ABCA12: variants seen among roughly 807,000 people sequenced by gnomAD.
The protein encoded by ABCA12 is ATP binding cassette subfamily A member 12.
In ABCA12, 156 loss-of-function variants were observed where a neutral mutation model predicts 293.5. The ratio of observed to expected loss-of-function variants is 0.53; its 90% confidence interval spans 0.47 to 0.61. The LOEUF is 0.61. ABCA12 is among the 20% of genes least tolerant of loss of function. The pLI is 0.00. For synonymous variants in ABCA12, 1,063 were observed against 1,108.0 expected, an observed-to-expected ratio of 0.96 and a Z score of 0.81; for missense variants, 2,797 against 3,090.2, an observed-to-expected ratio of 0.91 and a Z score of 2.25.
At chr2:215,110,273 G>A (rs1361861557) in intron 2 of ABCA12, among the ~76,000 whole-genome samples, 1 of 152,190 alleles carries the variant, frequency 6.6e-6, no homozygotes, top group Non-Finnish European at 1.5e-5. Context: ...CACTTTGGGA[G>A]GCCGAGGTGG....
chr2:215,090,350 C>G (rs979120852), intron 2 of ABCA12, among the ~76,000 whole-genome samples: 2 of 152,142 alleles, frequency 1.3e-5, no homozygotes, highest in Non-Finnish European at 2.9e-5. Flanking sequence ...TTTGGGAGAC[C>G]AGTCCCCTGT....
At chr2:215,058,392 T>C (rs767500161) in intron 3 of ABCA12, among the ~76,000 whole-genome samples, 1 of 151,982 alleles carries the variant, frequency 6.6e-6, no homozygotes, top group Admixed American at 6.6e-5. Flanking sequence ...CAATGACAGA[T>C]AATGGAATTA....
chr2:215,004,399 G>T lies in ABCA12; in HGVS notation c.2593-100C>A, dbSNP rs1025664571. 3.6e-6 allele frequency: 3 copies of T among 835,032 alleles called. No individual in the cohort carries two copies. The African/African-American group carries it at 5.1e-5, about 14-fold the overall frequency. 51.7% of individuals were successfully genotyped at this position (835,032 alleles called of 1,614,324 possible). ...ACAGTGAAGTGCAGTAACCACAACT[G>T]GGCATTATCAATGCACTGTCTTGCA... On this transcript the variant is annotated intron_variant, in intron 19 of 52. Transcript: ENST00000272895.
At position 214,966,898 on chromosome 2, in the gene ABCA12, T is replaced by C. The variant is rs771086366; in HGVS notation, c.5834A>G (p.Asn1945Ser). 2.5e-6 allele frequency: 4 copies of C among 1,613,878 alleles called. No individual in the cohort carries two copies. In the South Asian group the frequency reaches 3.3e-5, roughly 13 times the overall value. ...HSLPAYLNSL[N>S]NFLLRVNMSK... ...CATGTTAACTCGCAGAAGGAAATTA[T>C]TCAGGCTGTTGAGGTAAGCTGGAAG... The change falls in exon 39 of 53, where the codon AAT (asparagine) becomes AGT (serine). Residue 1945 changes from asparagine (N) to serine (S), a missense_variant. Transcript: ENST00000272895.
intron 9 of ABCA12, 91 bp from the exon 10 acceptor site, chr2:215,027,029 T>C (rs564146590): frequency 3.9e-5 from 36 of 931,708 alleles, no homozygotes; most frequent in African/African-American, 2.9e-4. Context: ...TTGTTTGGCA[T>C]TGGTTGACTT....
intron 39 of ABCA12, among the ~76,000 whole-genome samples, chr2:214,961,087 AT>A (rs982269009): frequency 6.6e-6 from 1 of 152,094 alleles, no homozygotes; most frequent in African/African-American, 2.4e-5. Context: ...AATTGGGTTG[AT>A]TTTTAAAACC....
chr2:214,991,628 A>AC (rs1169835919), intron 23 of ABCA12, among the ~76,000 whole-genome samples: 1 of 152,158 alleles, frequency 6.6e-6, no homozygotes, highest in Non-Finnish European at 1.5e-5. Flanking sequence ...CTTAACACTT[A>AC]CTGGCAGTCT....
chr2:214,953,742 G>T, intron 44 of ABCA12, 112 bp downstream of exon 44: 2 of 1,380,190 alleles, frequency 1.4e-6, no homozygotes, highest in African/African-American at 1.5e-5. Context: ...AAGTTTTTGA[G>T]CCAAACATTT....
chr2:214,942,830 A>T, intron 50 of ABCA12, 95 bp downstream of exon 50: 1 of 1,050,066 alleles, frequency 9.5e-7, no homozygotes, highest in Non-Finnish European at 1.4e-6. Flanking sequence ...TTCTAGTTTT[A>T]CTACTTAGGC....
intron 23 of ABCA12, among the ~76,000 whole-genome samples, chr2:214,994,880 T>G (rs543552123): frequency 6.6e-6 from 1 of 152,198 alleles, no homozygotes; most frequent in Admixed American, 6.5e-5. Context: ...CAAAATTCTG[T>G]CTCCAACAAA....
intron 11 of ABCA12, 187 bp downstream of exon 11, chr2:215,025,486 T>C: frequency 3.7e-6 from 2 of 540,526 alleles, no homozygotes; most frequent in South Asian, 4.3e-5. Context: ...ACCATTTTTC[T>C]AGAGTCGTAA....
At chr2:215,115,170 T>C (rs752163139) in intron 1 of ABCA12, among the ~76,000 whole-genome samples, 18 of 152,218 alleles carry the variant, frequency 1.2e-4, no homozygotes, top group Non-Finnish European at 2.1e-4. Context: ...AATCTATTAT[T>C]ACAAGGTTTC....
rs1194412499 is a variant in ABCA12 at position 214,970,377 on chromosome 2, G to A, written c.5586C>T (p.Ser1862=). Residue 1862 remains serine (S), a synonymous_variant, in exon 37 of 53, where the codon TCC becomes TCT. Transcript: ENST00000272895. ...NVQECPKFNY[S]PPHRRTYSSQ... is the part of the protein sequence containing the mutation. ...ATGAGTAAGTTCTTCTGTGCGGTGG[G>A]GAATAGTTAAATTTAGGACATTCCT... 5.6e-6 allele frequency: 9 copies of A among 1,612,892 alleles called. No homozygotes were observed. The highest frequency in any genetic ancestry group is 5.5e-5 in the South Asian group (5 of 91,044).
At chr2:215,075,822 T>C (rs918414875) in intron 2 of ABCA12, 6 of 457,136 alleles carry the variant, frequency 1.3e-5, no homozygotes, top group Non-Finnish European at 2.3e-5. Flanking sequence ...GAATTTTGTG[T>C]GCTATGGTGT....
rs796425207 is a variant in ABCA12 at position 215,061,137 on chromosome 2, G to C, written c.317+2929C>G. ...GAAAAGGGTAAGATCTGTGATGTTGGATCATCTGTTGTGCAAATGAGCAAG... is the reference window on the plus strand; with the variant it reads ...GAAAAGGGTAAGATCTGTGATGTTGCATCATCTGTTGTGCAAATGAGCAAG... On this transcript the variant is annotated intron_variant, in intron 3 of 52. Transcript: ENST00000272895. 2.6e-5 allele frequency among the ~76,000 whole-genome samples: 4 copies of C among 152,058 alleles called. No individual in the cohort carries two copies. The South Asian group carries it at 6.2e-4, about 24-fold the overall frequency.
chr2:215,070,568 T>C (rs1011350759), intron 2 of ABCA12, among the ~76,000 whole-genome samples: 2 of 117,592 alleles, frequency 1.7e-5, no homozygotes, highest in South Asian at 6.3e-4. Flanking sequence ...CAGAGTGTGA[T>C]GTTCCCCTTC....
rs553246493 is a variant in ABCA12, at chr2:215,067,073, A to G, written c.164-2854T>C. Among the ~76,000 whole-genome samples the G allele has an allele frequency of 5.9e-5, 9 of 152,258 alleles. No individual in the cohort carries two copies. The South Asian group carries it at 1.4e-3, about 25-fold the overall frequency. ...TTCCTGTAGCTTTCTTGTAAAAAAA[A>G]TGATATTTTTTCCATTCTTTTCCCA... On this transcript the variant is annotated intron_variant, in intron 2 of 52. Coordinates refer to ENST00000272895, the MANE Select transcript of ABCA12 (RefSeq NM_173076.3).
chr2:214,941,809 G>A (rs1035258112), intron 50 of ABCA12, among the ~76,000 whole-genome samples: 2 of 151,182 alleles, frequency 1.3e-5, no homozygotes, highest in Non-Finnish European at 2.9e-5. Flanking sequence ...CGTTTGCTTG[G>A]TAGCTATTCC....
At chr2:215,051,909 C>T (rs760547608) in intron 5 of ABCA12, among the ~76,000 whole-genome samples, 3 of 151,994 alleles carry the variant, frequency 2.0e-5, no homozygotes, top group Non-Finnish European at 4.4e-5. Flanking sequence ...TTAAAATCTC[C>T]GTACACACAC....
Sources: allele counts gnomAD v4.1 joint callset (sites outside exome capture counted in the v4.1 genomes callset), GRCh38; gene constraint gnomAD v4.1.1; transcripts MANE v1.5; gene names NCBI Gene and HGNC (gene_info 2026-07-23, HGNC 2026-07-21).